Variants in SHOX observed in about 807,000 individuals in gnomAD.
SHOX encodes the protein short stature homeobox protein.
In SHOX, 12 loss-of-function variants were observed where a neutral mutation model predicts 29.6. The observed-to-expected ratio is 0.41, with a 90% confidence interval of 0.26 to 0.66. The LOEUF (loss-of-function observed/expected upper bound fraction) is 0.66, where lower values mean the gene tolerates loss of function less well. Ranked by LOEUF, SHOX falls within the 30% of genes least tolerant of loss-of-function variation. The pLI, the probability that SHOX is intolerant of heterozygous loss-of-function variation, is 0.35. For synonymous variants in SHOX, 214 were observed against 200.6 expected (o/e 1.07, Z -0.57); for missense variants, 499 against 437.7 (o/e 1.14, Z -1.25).
chrX:640,753 G>T, intron 2 of SHOX, 68 bp from the exon 3 acceptor site: 1 of 1,572,694 alleles, frequency 6.4e-7, no homozygotes. Flanking sequence ...CTCATGGGAA[G>T]GATGCTCCCT....
At chrX:632,599 A>G (rs187672439) in intron 1 of SHOX, among the ~76,000 whole-genome samples, 7 of 152,266 alleles carry the variant, frequency 4.6e-5, no homozygotes, top group African/African-American at 1.7e-4. Context: ...GCCCCGGGAA[A>G]TAGCCCTTGT....
chrX:629,506 CATCTCTCTCTCTCCCT>C (rs1215477602), upstream of SHOX, among the ~76,000 whole-genome samples: 1 of 144,586 alleles, frequency 6.9e-6, no homozygotes, highest in Non-Finnish European at 1.5e-5. Context: ...TCTCTCTCTC[CATCTCTCTCTCTCCCT>C]GTCTCTCTCT....
chrX:658,559 T>TGCC (rs2053179919), intron 5 of SHOX, among the ~76,000 whole-genome samples: 6 of 149,982 alleles, frequency 4.0e-5, no homozygotes, highest in African/African-American at 1.2e-4. Flanking sequence ...CAAGCTCCTC[T>TGCC]TCCCGGGTTC....
rs1219451235 is a variant in SHOX at position 650,024 on chromosome X, C to G, written c.*5388C>G. The stretch of plus-strand genomic sequence containing the variant: ...CGTTCGAGTCTCTGACTGGTGCATA[C>G]TTTGCAAAGGTGTGTTCCTGGCAAT... On this transcript the variant is annotated 3_prime_UTR_variant, in exon 5 of 5. Coordinates refer to ENST00000686671, the MANE Select transcript of SHOX (RefSeq NM_000451.4). The G allele has an allele frequency of 4.4e-6, 2 of 455,894 alleles. No homozygotes were observed. The highest frequency in any genetic ancestry group is 1.5e-5 in the South Asian group (1 of 64,560). 28.2% of individuals were successfully genotyped at this position (455,894 alleles called of 1,614,324 possible).
chrX:635,714 AAGG>A (rs1346208209), intron 2 of SHOX, among the ~76,000 whole-genome samples: 2 of 152,116 alleles, frequency 1.3e-5, no homozygotes, highest in African/African-American at 4.8e-5. Context: ...CATTCACTTA[AAGG>A]TATGAGTTTA....
rs1182375038 is a variant in SHOX, at chrX:647,170, G to A, written c.*2534G>A. On this transcript the variant is annotated 3_prime_UTR_variant, in exon 5 of 5. Transcript: ENST00000686671. ...CGGCTCACCGCAACCTCCGCCTCCC[G>A]GGTTCAAGCCATTCTCCTGCCTCAG... 2.6e-5 allele frequency among the ~76,000 whole-genome samples: 4 copies of A among 152,172 alleles called. No individual in the cohort carries two copies. Among genetic ancestry groups the A allele is most frequent in the Non-Finnish European group, 5.9e-5 (4 of 68,042 alleles).
intron 4 of SHOX, among the ~76,000 whole-genome samples, chrX:643,958 G>A (rs1195055242): frequency 7.0e-6 from 1 of 142,808 alleles, no homozygotes. Context: ...GAGGCTTGGG[G>A]ACCTGGTGTC....
chrX:658,355 G>C (rs2053176131), intron 5 of SHOX, among the ~76,000 whole-genome samples: 1 of 151,998 alleles, frequency 6.6e-6, no homozygotes, highest in African/African-American at 2.4e-5. Context: ...TCAGTGTATG[G>C]GTTTTAGAGT....
upstream of SHOX, among the ~76,000 whole-genome samples, chrX:626,755 TG>T (rs2052545517): frequency 6.6e-6 from 1 of 151,668 alleles, no homozygotes; most frequent in Non-Finnish European, 1.5e-5. Context: ...TCTCTACCTC[TG>T]TCTCTCTTTC....
At position 641,096 on chromosome X, in the gene SHOX, CT is replaced by C. The variant is rs1569494710; in HGVS notation, c.633+14del. 13 of 1,613,388 alleles carry C rather than the reference CT, an allele frequency of 8.1e-6. 1 individual carries two copies. In the Admixed American group the frequency reaches 2.0e-4, roughly 25 times the overall value. Reference sequence around the variant, plus strand: ...GGATGCCTTTCCAACAGGTAGCTCACTTTTTCTTCCTCTGAAGATCCCTAGG... The same window carrying C: ...GGATGCCTTTCCAACAGGTAGCTCACTTTTCTTCCTCTGAAGATCCCTAGG... On this transcript the variant is annotated intron_variant, in intron 4 of 4. Coordinates refer to ENST00000686671, the MANE Select transcript of SHOX (RefSeq NM_000451.4).
At chrX:630,202 G>A (rs1183409146), upstream of SHOX, among the ~76,000 whole-genome samples, 1 of 152,140 alleles carries the variant, frequency 6.6e-6, no homozygotes, top group Non-Finnish European at 1.5e-5. Context: ...CACTTTCGGG[G>A]ATTCTCCAGC....
upstream of SHOX, among the ~76,000 whole-genome samples, chrX:626,014 TC>T (rs1176124850): frequency 5.5e-5 from 1 of 18,280 alleles, no homozygotes; most frequent in South Asian, 1.6e-3. Context: ...TTTCTCTCTC[TC>T]CTCTCTGTCT....
chrX:626,427 TCG>T (rs2052535754), upstream of SHOX, among the ~76,000 whole-genome samples: 3 of 121,402 alleles, frequency 2.5e-5, no homozygotes, highest in Non-Finnish European at 5.7e-5. Flanking sequence ...CTCTCTGTCT[TCG>T]TTCCTCTCTC....
At chrX:653,108 G>A (rs1458940811), downstream of SHOX, among the ~76,000 whole-genome samples, 1 of 152,142 alleles carries the variant, frequency 6.6e-6, no homozygotes, top group Non-Finnish European at 1.5e-5. Context: ...GGGCGTGGTG[G>A]TGTGTATCTG....
intron 2 of SHOX, among the ~76,000 whole-genome samples, chrX:637,859 T>A (rs2052784242): frequency 6.6e-6 from 1 of 152,154 alleles, no homozygotes; most frequent in South Asian, 2.1e-4. Context: ...GTAAATAAAT[T>A]GAGCATCCGA....
At chrX:638,766 C>T (rs1388919382) in intron 2 of SHOX, among the ~76,000 whole-genome samples, 1 of 152,188 alleles carries the variant, frequency 6.6e-6, no homozygotes, top group Non-Finnish European at 1.5e-5. Flanking sequence ...GGGCCATGCA[C>T]AGTGTGTAAG....
At position 650,812 on chromosome X, in the gene SHOX, A is replaced by C. The variant is rs992670505; in HGVS notation, c.*6176A>C. 6.0e-4 allele frequency among the ~76,000 whole-genome samples: 84 copies of C among 139,450 alleles called. No individual in the cohort carries two copies. The highest frequency in any genetic ancestry group is 2.0e-3 in the African/African-American group (80 of 40,404). 91.5% of individuals were successfully genotyped at this position (139,450 alleles called of 152,430 possible). A position where few individuals can be genotyped will look rare whatever the true frequency, so the allele number is the denominator to read the frequency against. On this transcript the variant is annotated 3_prime_UTR_variant, in exon 5 of 5. Transcript: ENST00000686671. Reference sequence around the variant, plus strand: ...GACATTAAAAAAAAAAAAAAAAAAAAAAAAAAACTGGTGCCTAATTTATTA... The same window carrying C: ...GACATTAAAAAAAAAAAAAAAAAAACAAAAAAACTGGTGCCTAATTTATTA...
intron 1 of SHOX, chrX:624,729 CTTTCTTTCT>C (rs1435418080): frequency 2.2e-5 from 3 of 136,426 alleles, no homozygotes; most frequent in East Asian, 4.2e-4. Flanking sequence ...TTCTTTCTTT[CTTTCTTTCT>C]TTTCTTTCTT....
At chrX:642,438 G>A (rs193259640) in intron 4 of SHOX, among the ~76,000 whole-genome samples, 1 of 152,076 alleles carries the variant, frequency 6.6e-6, no homozygotes, top group South Asian at 2.1e-4. Flanking sequence ...TGGGGAGCGC[G>A]GAAGGTATAA....
Sources: allele counts gnomAD v4.1 joint callset (sites outside exome capture counted in the v4.1 genomes callset), GRCh38; gene constraint gnomAD v4.1.1; transcripts MANE v1.5; gene names NCBI Gene and HGNC (gene_info 2026-07-23, HGNC 2026-07-21).